Variants in EYS observed in about 807,000 individuals in gnomAD.
The protein encoded by EYS is protein eyes shut homolog.
A neutral mutation model predicts 282.1 loss-of-function variants in EYS; 250 were observed. The observed-to-expected ratio is 0.89, with a 90% CI of 0.80 to 0.98. The LOEUF (loss-of-function observed/expected upper bound fraction) is 0.98, where lower values mean the gene tolerates loss of function less well. Ranked by LOEUF, EYS falls within the 50% of genes least tolerant of loss-of-function variation. The pLI is 0.00. For missense variants in EYS, 4,016 were observed against 3,709.0 expected, an observed-to-expected ratio of 1.08 and a Z score of -2.15; for synonymous variants, 1,355 against 1,282.9, an observed-to-expected ratio of 1.06 and a Z score of -1.20.
At chr6:65,587,294 G>T (rs1308547632) in intron 2 of EYS, among the ~76,000 whole-genome samples, 2 of 152,014 alleles carry the variant, frequency 1.3e-5, no homozygotes, top group South Asian at 2.1e-4. Context: ...AGGTGATATG[G>T]TTCAGTTGTG....
chr6:65,016,213 G>GTA (rs1333397633), intron 13 of EYS, among the ~76,000 whole-genome samples: 4 of 151,136 alleles, frequency 2.6e-5, no homozygotes, highest in Non-Finnish European at 4.4e-5. Flanking sequence ...AAAAAAAAAA[G>GTA]TATATATATA....
intron 22 of EYS, among the ~76,000 whole-genome samples, chr6:64,631,881 G>C (rs574880035): frequency 6.9e-6 from 1 of 144,138 alleles, no homozygotes. Context: ...TAATTTAAAT[G>C]AGACTTAATT....
intron 35 of EYS, among the ~76,000 whole-genome samples, chr6:63,906,675 A>G (rs529863455): frequency 1.8e-4 from 28 of 152,314 alleles, no homozygotes; most frequent in African/African-American, 6.5e-4. Flanking sequence ...TACTTATATT[A>G]GCTTTGCAAA....
chr6:64,892,482 TA>T (rs1338610262), intron 18 of EYS, among the ~76,000 whole-genome samples: 4 of 152,028 alleles, frequency 2.6e-5, no homozygotes, highest in African/African-American at 9.7e-5. Context: ...TAAGGACTTT[TA>T]AGCCTATGTT....
chr6:64,847,954 A>G (rs1765766793), intron 19 of EYS, among the ~76,000 whole-genome samples: 1 of 152,030 alleles, frequency 6.6e-6, no homozygotes, highest in Non-Finnish European at 1.5e-5. Flanking sequence ...GTGACAATGT[A>G]TTTTCCTTTG....
At chr6:64,562,924 A>T (rs1765445191) in intron 26 of EYS, among the ~76,000 whole-genome samples, 1 of 152,014 alleles carries the variant, frequency 6.6e-6, no homozygotes, top group Admixed American at 6.5e-5. Context: ...CAAATGAATT[A>T]TTCTCTATAA....
chr6:63,825,029 G>A (rs571638956), intron 36 of EYS, among the ~76,000 whole-genome samples: 51 of 152,120 alleles, frequency 3.4e-4, no homozygotes, highest in African/African-American at 1.2e-3. Flanking sequence ...CCTCTCACCC[G>A]CCACCTGGGA....
intron 12 of EYS, among the ~76,000 whole-genome samples, chr6:65,261,034 G>A (rs189499523): frequency 6.6e-6 from 1 of 152,032 alleles, no homozygotes; most frequent in Admixed American, 6.6e-5. Context: ...TGTTTGGAGC[G>A]ACTTTACTTG....
rs560721748 is a variant in EYS at position 63,968,504 on chromosome 6, T to C, written c.7055+15879A>G. On this transcript the variant is annotated intron_variant, in intron 35 of 42. Transcript: ENST00000503581. ...CTCAAAAATAAAAGCACCTGTGGAA[T>C]TGAGATTTGAGCAAGAAAAGCAGTG... Among the ~76,000 whole-genome samples the C allele has an allele frequency of 2.0e-4, 31 of 152,262 alleles. No homozygotes were observed. The South Asian group carries it at 6.0e-3, about 30-fold the overall frequency.
intron 21 of EYS, among the ~76,000 whole-genome samples, chr6:64,818,502 A>G (rs1290984746): frequency 6.6e-6 from 1 of 152,154 alleles, no homozygotes; most frequent in Non-Finnish European, 1.5e-5. Flanking sequence ...CTGCAAGGTG[A>G]GGAGCAAGGA....
chr6:64,301,269 G>A (rs537930310), intron 30 of EYS, among the ~76,000 whole-genome samples: 1 of 152,164 alleles, frequency 6.6e-6, no homozygotes, highest in Non-Finnish European at 1.5e-5. Flanking sequence ...CTACTGATAG[G>A]TTGCAAAATC....
chr6:64,282,917 T>C (rs936832864), intron 30 of EYS, among the ~76,000 whole-genome samples: 2 of 152,190 alleles, frequency 1.3e-5, no homozygotes, highest in East Asian at 3.9e-4. Context: ...GTTTACCAGA[T>C]GGCAGACAGA....
At chr6:64,213,895 G>T (rs1765855811) in intron 31 of EYS, among the ~76,000 whole-genome samples, 1 of 152,054 alleles carries the variant, frequency 6.6e-6, no homozygotes, top group African/African-American at 2.4e-5. Flanking sequence ...TCAAACATCT[G>T]AACAATGGTA....
At chr6:63,750,062 G>T (rs1483282683) in intron 41 of EYS, among the ~76,000 whole-genome samples, 1 of 152,102 alleles carries the variant, frequency 6.6e-6, no homozygotes, top group African/African-American at 2.4e-5. Flanking sequence ...GAATTGTTCA[G>T]TTCAGTTTTT....
At chr6:65,382,213 GT>G (rs67123749) in intron 8 of EYS, among the ~76,000 whole-genome samples, 7,885 of 104,992 alleles carry the variant, frequency 0.075, 219 homozygotes, top group East Asian at 0.24. Flanking sequence ...ATCCTTTGGT[GT>G]TTTTTTTTTT....
chr6:64,874,881 C>T (rs964269812), intron 19 of EYS, among the ~76,000 whole-genome samples: 5 of 151,930 alleles, frequency 3.3e-5, no homozygotes, highest in African/African-American at 4.8e-5. Context: ...TGAAAAGATC[C>T]TCAAAGGGAG....
chr6:65,092,327 A>G (rs1454152606), intron 12 of EYS, among the ~76,000 whole-genome samples: 2 of 152,158 alleles, frequency 1.3e-5, no homozygotes, highest in Non-Finnish European at 2.9e-5. Context: ...AGAAAGTTAG[A>G]ATTGTCTTGC....
At chr6:64,625,220 G>GA (rs546020205) in intron 23 of EYS, among the ~76,000 whole-genome samples, 4 of 151,854 alleles carry the variant, frequency 2.6e-5, no homozygotes, top group African/African-American at 4.8e-5. Flanking sequence ...AAAAAAGAAG[G>GA]AAAAAAATGC....
intron 33 of EYS, among the ~76,000 whole-genome samples, chr6:64,040,490 T>G (rs116565959): frequency 6.6e-6 from 1 of 152,238 alleles, no homozygotes; most frequent in Non-Finnish European, 1.5e-5. Flanking sequence ...TTTTAAATTT[T>G]GTATTATTTG....
Sources: allele counts gnomAD v4.1 joint callset (sites outside exome capture counted in the v4.1 genomes callset), GRCh38; gene constraint gnomAD v4.1.1; transcripts MANE v1.5; gene names NCBI Gene and HGNC (gene_info 2026-07-23, HGNC 2026-07-21).